Variants in PCDH15 observed in about 807,000 individuals in gnomAD.
PCDH15 encodes protocadherin-15.
A neutral mutation model predicts 178.5 loss-of-function variants in PCDH15; 129 were observed. That is an observed-to-expected ratio of 0.72 (90% CI 0.63 to 0.84). The LOEUF is 0.84. PCDH15 is among the 40% of genes least tolerant of loss of function. The pLI is 0.00. For missense variants in PCDH15, 2,230 were observed against 2,099.9 expected, an observed-to-expected ratio of 1.06 and a Z score of -1.21; for synonymous variants, 800 against 732.0, an observed-to-expected ratio of 1.09 and a Z score of -1.50.
chr10:54,468,442 T>C (rs1044245154), intron 3 of PCDH15, among the ~76,000 whole-genome samples: 1 of 152,080 alleles, frequency 6.6e-6, no homozygotes, highest in African/African-American at 2.4e-5. Context: ...AAGCATGTTG[T>C]TTAATTTCCA....
rs764320501 is a variant in PCDH15, at chr10:54,183,560, G to A, written c.1474C>T (p.Pro492Ser). 6.2e-7 allele frequency: 1 copy of A among 1,613,922 alleles called. No homozygotes were observed. The highest frequency in any genetic ancestry group is 1.1e-5 in the South Asian group (1 of 91,072). ...ATCACTTGAATATTGACGATGACTGGCTCACTTTCTTGTACACCATCAAAT... is the reference window on the plus strand; with the variant it reads ...ATCACTTGAATATTGACGATGACTGACTCACTTTCTTGTACACCATCAAAT... ...TAFDGVQESE[P>S]VIVNIQVMDA... Residue 492 changes from proline to serine, a missense_variant, in exon 13 of 38, where the codon CCA (proline) becomes TCA (serine). By Grantham distance (74) the Pro-to-Ser change is moderately conservative. Transcript: ENST00000644397.
intron 26 of PCDH15, among the ~76,000 whole-genome samples, chr10:53,898,704 C>T (rs994950576): frequency 6.6e-6 from 1 of 152,144 alleles, no homozygotes; most frequent in Non-Finnish European, 1.5e-5. Context: ...AGGAGACCTC[C>T]CTTAACAATC....
chr10:54,778,353 G>A (rs140220022), intron 1 of PCDH15, among the ~76,000 whole-genome samples: 115 of 152,202 alleles, frequency 7.6e-4, no homozygotes, highest in Middle Eastern at 3.4e-3. Context: ...AGGATATGAT[G>A]ATTTCAGTAA....
chr10:54,011,509 T>C (rs2092585363), intron 20 of PCDH15, among the ~76,000 whole-genome samples: 1 of 151,680 alleles, frequency 6.6e-6, no homozygotes, highest in Non-Finnish European at 1.5e-5. Context: ...AGCCTGGGAG[T>C]GCCAAACAGA....
At chr10:54,342,561 GA>G (rs1242911149) in intron 6 of PCDH15, among the ~76,000 whole-genome samples, 1 of 131,700 alleles carries the variant, frequency 7.6e-6, no homozygotes, top group African/African-American at 3.1e-5. Flanking sequence ...AATGCAGAGG[GA>G]AAAAGTGGAA....
intron 2 of PCDH15, among the ~76,000 whole-genome samples, chr10:54,898,332 GA>G (rs1446164020): frequency 4.6e-5 from 7 of 152,048 alleles, no homozygotes; most frequent in Middle Eastern, 3.4e-3. Flanking sequence ...ATATTTTGAA[GA>G]ATATCATAAT....
At chr10:55,407,695 CACACAAACACAT>C (rs1256915091) in intron 2 of PCDH15, among the ~76,000 whole-genome samples, 4 of 152,150 alleles carry the variant, frequency 2.6e-5, no homozygotes, top group African/African-American at 9.7e-5. Context: ...TATGCACATG[CACACAAACACAT>C]GCACAAACAC....
chr10:55,129,172 A>G (rs969603817), intron 2 of PCDH15, among the ~76,000 whole-genome samples: 7 of 152,136 alleles, frequency 4.6e-5, no homozygotes, highest in African/African-American at 1.7e-4. Context: ...TCCTTCTTCC[A>G]GTATTTGCTA....
intron 2 of PCDH15, among the ~76,000 whole-genome samples, chr10:54,934,775 C>G (rs1033688145): frequency 1.3e-5 from 2 of 151,794 alleles, no homozygotes; most frequent in Non-Finnish European, 2.9e-5. Flanking sequence ...AAGACACATG[C>G]ACACGTATGT....
intron 3 of PCDH15, among the ~76,000 whole-genome samples, chr10:54,507,688 GGTAA>G (rs2081286441): frequency 1.3e-5 from 2 of 151,792 alleles, no homozygotes; most frequent in Admixed American, 6.6e-5. Context: ...AATATAAAAA[GGTAA>G]GTAAGTTTCC....
At chr10:55,173,413 A>C (rs72801679) in intron 1 of PCDH15, among the ~76,000 whole-genome samples, 19,898 of 151,318 alleles carry the variant, frequency 0.13, 1,555 homozygotes, top group Non-Finnish European at 0.17. Context: ...AGATATGTAA[A>C]AATTTATATG....
At chr10:54,059,143 G>A (rs2093962554) in intron 18 of PCDH15, among the ~76,000 whole-genome samples, 1 of 152,096 alleles carries the variant, frequency 6.6e-6, no homozygotes, top group Non-Finnish European at 1.5e-5. Context: ...TATGAGTGAG[G>A]ACATGTGATA....
intron 13 of PCDH15, among the ~76,000 whole-genome samples, chr10:54,168,918 C>T (rs1339637804): frequency 6.6e-6 from 1 of 151,892 alleles, no homozygotes; most frequent in African/African-American, 2.4e-5. Context: ...AATTCCTTGC[C>T]TCCACTGTGA....
chr10:54,884,784 C>A (rs1221788829), intron 3 of PCDH15, among the ~76,000 whole-genome samples: 1 of 151,944 alleles, frequency 6.6e-6, no homozygotes, highest in Non-Finnish European at 1.5e-5. Context: ...AAATATGATT[C>A]TATGTGCTCT....
At chr10:54,821,694 C>G (rs1953043716) in intron 3 of PCDH15, among the ~76,000 whole-genome samples, 1 of 152,046 alleles carries the variant, frequency 6.6e-6, no homozygotes, top group African/African-American at 2.4e-5. Context: ...ATCCGGTCTT[C>G]TGGCTACTAT....
rs1348410528 is a variant in PCDH15 at position 53,883,601 on chromosome 10, A to G, written c.3502-16744T>C. ...TCCTTTGTATGGCAGGAAGGAAGAT[A>G]TGTATGTTTTTAAGTGAATACATAC... On this transcript the variant is annotated intron_variant, in intron 26 of 37. Transcript: ENST00000644397. Among the ~76,000 whole-genome samples the G allele has an allele frequency of 2.0e-5, 3 of 152,194 alleles. No homozygotes were observed. The East Asian group carries it at 5.8e-4, about 29-fold the overall frequency.
intron 8 of PCDH15, among the ~76,000 whole-genome samples, chr10:54,257,110 G>A (rs1224013311): frequency 2.6e-5 from 4 of 151,932 alleles, no homozygotes; most frequent in Admixed American, 6.6e-5. Context: ...GAGATATAGT[G>A]TGTATGTATC....
At chr10:55,301,046 T>C (rs1338966748) in intron 1 of PCDH15, among the ~76,000 whole-genome samples, 1 of 152,182 alleles carries the variant, frequency 6.6e-6, no homozygotes, top group Non-Finnish European at 1.5e-5. Context: ...CTATTATGTA[T>C]AAAGCTACCA....
rs542544401 is a variant in PCDH15 at position 55,315,951 on chromosome 10, G to T, written c.-156+3648C>A. On this transcript the variant is annotated intron_variant, in intron 1 of 5. Transcript: ENST00000458638. ...GAATCACTTGAACCTGGGAGGCAGAGGTTGCAGTGAGCCTAGACTGCACCA... is the reference window on the plus strand; with the variant it reads ...GAATCACTTGAACCTGGGAGGCAGATGTTGCAGTGAGCCTAGACTGCACCA... Among the ~76,000 whole-genome samples the T allele has an allele frequency of 2.1e-4, 32 of 152,322 alleles. No individual in the cohort carries two copies. In the South Asian group the frequency reaches 5.8e-3, roughly 28 times the overall value.
Sources: gnomAD v4.1 joint callset for allele counts (sites outside exome capture counted in the v4.1 genomes callset) on GRCh38, gnomAD v4.1.1 for gene constraint, MANE v1.5 for transcripts, NCBI Gene and HGNC (gene_info 2026-07-23, HGNC 2026-07-21) for gene names.